Variants in HTR4 observed in about 807,000 individuals in gnomAD.
HTR4 encodes 5-hydroxytryptamine (serotonin) receptor 4, G protein-coupled.
A neutral mutation model predicts 36.8 loss-of-function variants in HTR4; 16 were observed. That is an observed-to-expected ratio of 0.43 (90% CI 0.29 to 0.66). The LOEUF (loss-of-function observed/expected upper bound fraction) is 0.66, where lower values mean the gene tolerates loss of function less well. HTR4 is among the 30% of genes least tolerant of loss of function. The probability of loss-of-function intolerance (pLI) is 0.13; values close to 1 mark genes in which losing one functional copy is unlikely to be tolerated. For synonymous variants in HTR4, 189 were observed against 185.1 expected (o/e 1.02, Z -0.17); for missense variants, 438 against 490.9 (o/e 0.89, Z 1.02).
intron 1 of HTR4, among the ~76,000 whole-genome samples, chr5:148,640,838 A>C (rs1420120455): frequency 2.0e-5 from 3 of 152,210 alleles, no homozygotes; most frequent in African/African-American, 7.2e-5. Context: ...TTAAAACTGC[A>C]TGTGAAAATG....
intron 2 of HTR4, among the ~76,000 whole-genome samples, chr5:148,589,583 T>A (rs916629967): frequency 1.3e-5 from 2 of 152,170 alleles, no homozygotes; most frequent in African/African-American, 4.8e-5. Context: ...AGAAATTTTA[T>A]ATCTTGGCTT....
intron 2 of HTR4, among the ~76,000 whole-genome samples, chr5:148,565,700 T>C (rs1402337795): frequency 1.3e-5 from 2 of 151,946 alleles, no homozygotes; most frequent in Admixed American, 6.6e-5. Context: ...TAAGAGAAGA[T>C]GAGGGAGTGA....
chr5:148,635,062 A>T (rs536661052), intron 2 of HTR4, among the ~76,000 whole-genome samples: 1 of 152,170 alleles, frequency 6.6e-6, no homozygotes, highest in South Asian at 2.1e-4. Context: ...TAATATTTTT[A>T]AAAATAAACC....
chr5:148,654,326 G>A lies in HTR4; in HGVS notation c.-312C>T. 1 of 984,858 alleles carries A rather than the reference G, an allele frequency of 1.0e-6. No individual in the cohort carries two copies. Among genetic ancestry groups the A allele is most frequent in the Non-Finnish European group, 1.2e-6 (1 of 829,436 alleles). The allele number at this position is 984,858 out of a possible 1,614,324, so 61.0% of individuals were successfully genotyped here. A position where few individuals can be genotyped will look rare whatever the true frequency, so the allele number is the denominator to read the frequency against. ...ATCGTCCTTCTCCCCAACCGAGCCG[G>A]ACTCCACGGGCTCAACAGCCCCCAG... On this transcript the variant is annotated 5_prime_UTR_variant, in exon 1 of 7. Coordinates refer to ENST00000377888, the MANE Select transcript of HTR4 (RefSeq NM_000870.7).
chr5:148,469,311 C>A (rs1014164457), intron 5 of HTR4, among the ~76,000 whole-genome samples: 6 of 152,172 alleles, frequency 3.9e-5, no homozygotes, highest in African/African-American at 1.4e-4. Context: ...TTTTTATAGT[C>A]ATCAGCTCAC....
At chr5:148,640,340 A>G (rs1413171167) in intron 1 of HTR4, among the ~76,000 whole-genome samples, 1 of 152,208 alleles carries the variant, frequency 6.6e-6, no homozygotes, top group Non-Finnish European at 1.5e-5. Context: ...TGAACACATA[A>G]GCAGGGCTGG....
chr5:148,466,249 G>C (rs1410074861), intron 5 of HTR4, among the ~76,000 whole-genome samples: 4 of 152,106 alleles, frequency 2.6e-5, no homozygotes, highest in Non-Finnish European at 5.9e-5. Context: ...CCCTCCTGTA[G>C]CTAATCTCCA....
intron 2 of HTR4, among the ~76,000 whole-genome samples, chr5:148,591,892 A>G (rs1335418225): frequency 6.6e-6 from 1 of 152,192 alleles, no homozygotes; most frequent in Non-Finnish European, 1.5e-5. Flanking sequence ...CAGTATGGTG[A>G]TTCTTCAAAG....
chr5:148,563,743 C>G (rs1760315628), intron 2 of HTR4, among the ~76,000 whole-genome samples: 1 of 152,148 alleles, frequency 6.6e-6, no homozygotes, highest in Admixed American at 6.5e-5. Flanking sequence ...TAGTATTTAC[C>G]ATTGCATTAG....
At chr5:148,579,602 T>C (rs770320347) in intron 2 of HTR4, among the ~76,000 whole-genome samples, 10 of 152,052 alleles carry the variant, frequency 6.6e-5, no homozygotes, top group African/African-American at 2.2e-4. Context: ...ACTCTAAAAT[T>C]AAGATGTAGG....
At chr5:148,637,377 T>C (rs115940224) in intron 1 of HTR4, among the ~76,000 whole-genome samples, 1,727 of 152,292 alleles carry the variant, frequency 0.011, 38 homozygotes, top group African/African-American at 0.04. Context: ...AGGACAGTAA[T>C]TAGTGAAGAT....
At chr5:148,590,812 CT>C (rs1761535068) in intron 2 of HTR4, among the ~76,000 whole-genome samples, 1 of 150,054 alleles carries the variant, frequency 6.7e-6, no homozygotes, top group Non-Finnish European at 1.5e-5. Flanking sequence ...TTTTTTTTTC[CT>C]GTGAAGAAAC....
chr5:148,483,164 C>G lies in HTR4; in HGVS notation c.*39G>C. 1 of 1,613,622 alleles carries G rather than the reference C, an allele frequency of 6.2e-7. No individual in the cohort carries two copies. Among genetic ancestry groups the G allele is most frequent in the Non-Finnish European group, 8.5e-7 (1 of 1,179,718 alleles). On this transcript the variant is annotated 3_prime_UTR_variant, in exon 7 of 7. Transcript: ENST00000377888. The stretch of plus-strand genomic sequence containing the variant: ...AGCAGCTTAGGACCTGGCCCTCTTT[C>G]GGAGGCATGGCTGTCTTCTGGGTCA...
chr5:148,600,077 T>C (rs1187337065), intron 2 of HTR4, among the ~76,000 whole-genome samples: 1 of 151,090 alleles, frequency 6.6e-6, no homozygotes. Context: ...AAAATAATTA[T>C]AAAAAAGGAC....
intron 6 of HTR4, among the ~76,000 whole-genome samples, chr5:148,492,203 G>A (rs904499714): frequency 2.0e-5 from 3 of 152,176 alleles, no homozygotes; most frequent in African/African-American, 7.2e-5. Flanking sequence ...GTGCACCTAC[G>A]GAGCAAAAGG....
chr5:148,643,083 T>G (rs909781994), intron 1 of HTR4, among the ~76,000 whole-genome samples: 2 of 152,200 alleles, frequency 1.3e-5, no homozygotes, highest in Non-Finnish European at 2.9e-5. Flanking sequence ...AGCCATTTCA[T>G]TTGCATAACT....
At chr5:148,459,830 G>A (rs1350503911) in intron 5 of HTR4, among the ~76,000 whole-genome samples, 2 of 152,142 alleles carry the variant, frequency 1.3e-5, no homozygotes, top group Non-Finnish European at 2.9e-5. Flanking sequence ...ATATGGAAGG[G>A]ACATTGGAAT....
intron 6 of HTR4, chr5:148,490,619 A>T (rs946377992): frequency 8.6e-7 from 1 of 1,168,820 alleles, no homozygotes; most frequent in Non-Finnish European, 1.1e-6. Flanking sequence ...AGAAATGTTG[A>T]CTAATGAACA....
intron 2 of HTR4, among the ~76,000 whole-genome samples, chr5:148,553,300 G>A (rs1236364758): frequency 6.6e-6 from 1 of 152,168 alleles, no homozygotes; most frequent in African/African-American, 2.4e-5. Flanking sequence ...GTCAGGGAAG[G>A]TTCAATGATA....
Sources: gnomAD v4.1 joint callset for allele counts (sites outside exome capture counted in the v4.1 genomes callset) on GRCh38, gnomAD v4.1.1 for gene constraint, MANE v1.5 for transcripts, NCBI Gene and HGNC (gene_info 2026-07-23, HGNC 2026-07-21) for gene names.